The following DDC variants were observed in gnomAD, a reference collection of about 807,000 sequenced individuals.
The protein encoded by DDC is dopa decarboxylase.
Under a neutral mutation model 60.0 loss-of-function variants are expected in DDC, and 43 were observed. That is an observed-to-expected ratio of 0.72 (90% CI 0.56 to 0.92). The LOEUF is 0.92. DDC is among the 40% of genes least tolerant of loss of function. The probability of loss-of-function intolerance (pLI) is 0.00; values close to 1 mark genes in which losing one functional copy is unlikely to be tolerated. For missense variants in DDC, 573 were observed against 620.2 expected (o/e 0.92, Z 0.81); for synonymous variants, 232 against 234.6 (o/e 0.99, Z 0.10).
intron 1 of DDC, among the ~76,000 whole-genome samples, chr7:50,549,620 G>A (rs1344517013): frequency 1.3e-5 from 2 of 149,202 alleles, no homozygotes; most frequent in Non-Finnish European, 3.0e-5. Flanking sequence ...TCACACCACT[G>A]CACTCCAGCC....
chr7:50,563,044 G>T (rs558460269), intron 1 of DDC, among the ~76,000 whole-genome samples: 14 of 151,784 alleles, frequency 9.2e-5, no homozygotes, highest in Admixed American at 1.3e-4. Flanking sequence ...GCAGGCACTT[G>T]TAATTCCAGC....
At chr7:50,460,349 A>C (rs1405737208) in intron 14 of DDC, among the ~76,000 whole-genome samples, 8 of 119,888 alleles carry the variant, frequency 6.7e-5, no homozygotes, top group Non-Finnish European at 1.2e-4. Flanking sequence ...CGCCCCGTCC[A>C]GGAAGGAGGT....
intron 4 of DDC, among the ~76,000 whole-genome samples, chr7:50,531,092 G>T (rs1412052200): frequency 1.3e-5 from 2 of 152,074 alleles, no homozygotes; most frequent in Non-Finnish European, 2.9e-5. Context: ...ATCTAAAATG[G>T]GTACTTTATT....
chr7:50,460,063 G>T, intron 14 of DDC, among the ~76,000 whole-genome samples: 1 of 145,118 alleles, frequency 6.9e-6, no homozygotes, highest in Non-Finnish European at 1.5e-5. Flanking sequence ...AGGTGGGGGG[G>T]GTCAGCCCCC....
intron 6 of DDC, chr7:50,527,869 A>C (rs886255153): frequency 5.3e-6 from 2 of 376,836 alleles, no homozygotes; most frequent in East Asian, 6.2e-5. Context: ...ACAAAACAAA[A>C]AAAAAAATGG....
At chr7:50,545,792 A>G (rs1455344941) in intron 1 of DDC, among the ~76,000 whole-genome samples, 1 of 152,154 alleles carries the variant, frequency 6.6e-6, no homozygotes, top group Non-Finnish European at 1.5e-5. Context: ...TTTTCTATTT[A>G]TGAGAGACAA....
chr7:50,495,551 C>T, intron 8 of DDC, 134 bp from the exon 9 acceptor site: 2 of 734,790 alleles, frequency 2.7e-6, no homozygotes, highest in Non-Finnish European at 4.7e-6. Context: ...TAGGGTTGCC[C>T]AGGGGAGTAG....
At chr7:50,499,331 T>A in intron 7 of DDC, 89 bp from the exon 8 acceptor site, 1 of 830,434 alleles carries the variant, frequency 1.2e-6, no homozygotes, top group Middle Eastern at 2.9e-4. Flanking sequence ...AGCACCTTCT[T>A]GGGTAGAGCA....
intron 10 of DDC, among the ~76,000 whole-genome samples, chr7:50,477,814 A>G (rs2042679850): frequency 6.6e-6 from 1 of 152,236 alleles, no homozygotes; most frequent in Non-Finnish European, 1.5e-5. Flanking sequence ...TTAAACAAAC[A>G]TAACATCAAT....
intron 3 of DDC, among the ~76,000 whole-genome samples, chr7:50,538,675 C>T (rs1450843915): frequency 6.6e-5 from 10 of 152,336 alleles, no homozygotes; most frequent in South Asian, 2.1e-4. Context: ...TATCAGGCAA[C>T]GCAGCCTGAG....
chr7:50,517,921 T>G (rs543293226), intron 6 of DDC, among the ~76,000 whole-genome samples: 1 of 147,850 alleles, frequency 6.8e-6, no homozygotes, highest in Non-Finnish European at 1.5e-5. Context: ...AAAGAAATCA[T>G]AGATGGGGCC....
chr7:50,559,275 G>T (rs1383852727), intron 1 of DDC, among the ~76,000 whole-genome samples: 3 of 152,066 alleles, frequency 2.0e-5, no homozygotes, highest in Admixed American at 6.5e-5. Context: ...AGGACCCTCT[G>T]CTGTCTCTCA....
At position 50,539,924 on chromosome 7, in the gene DDC, GC is replaced by G; in HGVS notation, c.305del (p.Gly102AlafsTer16). ...GCATCCGGACCCTCACCCAGGAGAA[GC>G]CGATGCAGCCAATGGCCCCGCACAG... ...DMLCGAIGCI[G>X]FSWAASPACT... is the part of the protein sequence containing the mutation. On this transcript the variant is annotated frameshift_variant, in exon 3 of 15. Transcript: ENST00000444124. LOFTEE classifies it high-confidence loss of function. The G allele has an allele frequency of 6.2e-7, 1 of 1,613,592 alleles. No homozygotes were observed. Among genetic ancestry groups the G allele is most frequent in the East Asian group, 2.2e-5 (1 of 44,856 alleles).
chr7:50,557,052 T>C (rs376909335), intron 1 of DDC, among the ~76,000 whole-genome samples: 19 of 152,246 alleles, frequency 1.2e-4, no homozygotes, highest in Middle Eastern at 3.4e-3. Flanking sequence ...GCAATTATTA[T>C]TATTGATGCT....
chr7:50,528,120 A>G lies in DDC; in HGVS notation c.714+17T>C, dbSNP rs760740785. The G allele has an allele frequency of 6.2e-7, 1 of 1,612,002 alleles. No individual in the cohort carries two copies. The highest frequency in any genetic ancestry group is 8.5e-7 in the Non-Finnish European group (1 of 1,179,734). The stretch of plus-strand genomic sequence containing the variant: ...TTCACCTTATTGGCCAGGAGCCACA[A>G]GTGCTGCCGAACTTACAAAGAAAGG... On this transcript the variant is annotated intron_variant, in intron 6 of 14. Coordinates refer to ENST00000444124, the MANE Select transcript of DDC (RefSeq NM_001082971.2).
chr7:50,541,394 C>T (rs2044625491), intron 2 of DDC: 1 of 152,276 alleles, frequency 6.6e-6, no homozygotes, highest in Admixed American at 6.5e-5. Context: ...TCGGGCTTGG[C>T]TGCTCTGCTC....
chr7:50,544,455 T>C (rs191508596), intron 1 of DDC, among the ~76,000 whole-genome samples: 1 of 152,198 alleles, frequency 6.6e-6, no homozygotes, highest in Non-Finnish European at 1.5e-5. Context: ...TGCCCTTACC[T>C]GCCTTTGAAA....
At chr7:50,549,816 A>T (rs1291746151) in intron 1 of DDC, among the ~76,000 whole-genome samples, 2 of 152,238 alleles carry the variant, frequency 1.3e-5, no homozygotes, top group Non-Finnish European at 2.9e-5. Flanking sequence ...ATAGAGAACT[A>T]GAATTTTAAA....
intron 1 of DDC, among the ~76,000 whole-genome samples, chr7:50,561,439 C>T (rs1458678485): frequency 6.6e-6 from 1 of 152,152 alleles, no homozygotes; most frequent in African/African-American, 2.4e-5. Flanking sequence ...TCTGGGTCTG[C>T]TCCTTCTGTG....
Sources: gnomAD v4.1 joint callset for allele counts (sites outside exome capture counted in the v4.1 genomes callset) on GRCh38, gnomAD v4.1.1 for gene constraint, MANE v1.5 for transcripts, NCBI Gene and HGNC (gene_info 2026-07-23, HGNC 2026-07-21) for gene names.